The following ARSG variants were observed in gnomAD, a reference collection of about 807,000 sequenced individuals.
ARSG encodes arylsulfatase G.
ARSG carries 37 observed loss-of-function variants against 50.5 expected under a neutral mutation model. That is an observed-to-expected ratio of 0.73 (90% CI 0.56 to 0.96). The LOEUF (loss-of-function observed/expected upper bound fraction) is 0.96, where lower values mean the gene tolerates loss of function less well. Among genes scored for constraint, ARSG ranks in the 50% least tolerant of loss-of-function variants. The pLI, the probability that ARSG is intolerant of heterozygous loss-of-function variation, is 0.00. For missense variants in ARSG, 629 were observed against 675.3 expected (o/e 0.93, Z 0.76); for synonymous variants, 225 against 254.6 (o/e 0.88, Z 1.11).
At chr17:68,384,462 C>CTATTA (rs2080600429) in intron 8 of ARSG, among the ~76,000 whole-genome samples, 1 of 152,116 alleles carries the variant, frequency 6.6e-6, no homozygotes, top group Non-Finnish European at 1.5e-5. Context: ...GAGGTTGGAA[C>CTATTA]TATTACTGAC....
chr17:68,416,259 CCTT>C (rs2082358160), intron 11 of ARSG, among the ~76,000 whole-genome samples: 1 of 151,900 alleles, frequency 6.6e-6, no homozygotes, highest in Non-Finnish European at 1.5e-5. Flanking sequence ...TTGTTTGTAT[CCTT>C]CTTTCATATA....
the ARSG span, chr17:68,436,614 T>C: frequency 1.4e-6 from 1 of 713,126 alleles, no homozygotes; most frequent in Non-Finnish European, 2.3e-6. Context: ...AGACAACTGC[T>C]TTCCGCTGAT....
intron 9 of ARSG, among the ~76,000 whole-genome samples, chr17:68,387,986 A>G (rs1313111491): frequency 6.6e-6 from 1 of 152,192 alleles, no homozygotes; most frequent in Non-Finnish European, 1.5e-5. Context: ...ATGTCATAAG[A>G]TGAAAGAAGG....
At position 68,309,226 on chromosome 17, in the gene ARSG, G is replaced by A. The variant is rs192116857; in HGVS notation, c.218+1515G>A. 6.3e-3 allele frequency among the ~76,000 whole-genome samples: 957 copies of A among 152,342 alleles called. 5 individuals carry two copies. Among genetic ancestry groups the A allele is most frequent in the Middle Eastern group, 0.02 (6 of 294 alleles). On this transcript the variant is annotated intron_variant, in intron 2 of 11. Coordinates refer to ENST00000621439, the MANE Select transcript of ARSG (RefSeq NM_001267727.2). ...CGAGTGCGGGGCCCGCCAAGCCCACGCCCACCCGGAACTCCAGCTGGCCCA... is the reference window on the plus strand; with the variant it reads ...CGAGTGCGGGGCCCGCCAAGCCCACACCCACCCGGAACTCCAGCTGGCCCA...
At chr17:68,355,177 C>T (rs1454428051) in intron 5 of ARSG, among the ~76,000 whole-genome samples, 1 of 152,102 alleles carries the variant, frequency 6.6e-6, no homozygotes, top group Non-Finnish European at 1.5e-5. Context: ...TTGTTATCTC[C>T]CTTAGACCAC....
intron 11 of ARSG, among the ~76,000 whole-genome samples, chr17:68,402,967 C>T (rs528478256): frequency 1.3e-5 from 2 of 152,284 alleles, no homozygotes; most frequent in East Asian, 1.9e-4. Context: ...AAAGGAAAAC[C>T]TGTGACCTAA....
intron 8 of ARSG, among the ~76,000 whole-genome samples, chr17:68,372,877 ATTTTTTT>A (rs55668215): frequency 2.1e-5 from 2 of 93,162 alleles, no homozygotes; most frequent in Admixed American, 1.3e-4. Flanking sequence ...GGAAATGCTG[ATTTTTTT>A]TTTTTTTTTT....
At position 68,352,177 on chromosome 17, in the gene ARSG, GAGAGAGAC is replaced by G. The variant is rs1475752691; in HGVS notation, c.566+497_566+504del. Among the ~76,000 whole-genome samples the G allele has an allele frequency of 2.7e-5, 4 of 150,580 alleles. No individual in the cohort carries two copies. The East Asian group carries it at 5.9e-4, about 22-fold the overall frequency. The stretch of plus-strand genomic sequence containing the variant: ...AGAGAGAGAGACAGAGAGAGAGAGA[GAGAGAGAC>G]AGAGACAGAGAGAGAGAGAACAGGA... On this transcript the variant is annotated intron_variant, in intron 5 of 11. Coordinates refer to ENST00000621439, the MANE Select transcript of ARSG (RefSeq NM_001267727.2).
chr17:68,397,563 A>T (rs1251536994), intron 10 of ARSG, among the ~76,000 whole-genome samples: 1 of 152,168 alleles, frequency 6.6e-6, no homozygotes, highest in Non-Finnish European at 1.5e-5. Flanking sequence ...AGGAAATAAG[A>T]GTAAATTGTC....
At chr17:68,383,096 TAAGAC>T (rs2080515202) in intron 8 of ARSG, among the ~76,000 whole-genome samples, 1 of 152,210 alleles carries the variant, frequency 6.6e-6, no homozygotes, top group African/African-American at 2.4e-5. Context: ...TTTGCTGAAA[TAAGAC>T]AAGCACATTG....
At chr17:68,428,576 T>G in the ARSG span, 1 of 406,052 alleles carries the variant, frequency 2.5e-6, no homozygotes, top group African/African-American at 2.0e-5. Context: ...CAGGGCTGTG[T>G]TAGGAGCATA....
intron 2 of ARSG, 25 bp downstream of exon 2, chr17:68,307,736 C>G (rs782367778): frequency 6.9e-6 from 9 of 1,300,040 alleles, no homozygotes; most frequent in East Asian, 2.3e-5. Context: ...GCCAGGCCAG[C>G]CTTTCTTTGG....
downstream of ARSG, chr17:68,421,334 A>G (rs2082755596): frequency 6.2e-6 from 1 of 162,032 alleles, no homozygotes; most frequent in African/African-American, 2.4e-5. Context: ...CAAGTAATAA[A>G]TGATTTATTC....
intron 1 of ARSG, chr17:68,269,249 C>T (rs539141129): frequency 2.3e-5 from 35 of 1,507,572 alleles, no homozygotes; most frequent in South Asian, 9.7e-5. Context: ...CCATCTTACA[C>T]GGTCTCACCA....
intron 11 of ARSG, among the ~76,000 whole-genome samples, chr17:68,416,681 T>C (rs1430863259): frequency 6.6e-6 from 1 of 152,210 alleles, no homozygotes; most frequent in African/African-American, 2.4e-5. Flanking sequence ...CTTTTTCCTT[T>C]GTCTTTGTTG....
rs563555442 is a variant in ARSG at position 68,354,803 on chromosome 17, G to A, written c.567-1864G>A. Among the ~76,000 whole-genome samples, 3 of 152,154 alleles carry A rather than the reference G, an allele frequency of 2.0e-5. No individual in the cohort carries two copies. In the East Asian group the frequency reaches 5.8e-4, roughly 29 times the overall value. ...GGGACTAAGATGGGAGTTTGAGGCT[G>A]CAATGAGCTGAGATTGTGCCACTGC... On this transcript the variant is annotated intron_variant, in intron 5 of 11. Coordinates refer to ENST00000621439, the MANE Select transcript of ARSG (RefSeq NM_001267727.2).
Position 68,343,965 on chromosome 17 carries a change from G to C in ARSG, c.406+174G>C, listed in dbSNP as rs555788532. On this transcript the variant is annotated intron_variant, in intron 3 of 11. Coordinates refer to ENST00000621439, the MANE Select transcript of ARSG (RefSeq NM_001267727.2). Reference sequence around the variant, plus strand: ...CCTAACAGTGAATTAAAACATACATGGAGCTATTTTCCTCCCATTATAGCA... The same window carrying C: ...CCTAACAGTGAATTAAAACATACATCGAGCTATTTTCCTCCCATTATAGCA... Among the ~76,000 whole-genome samples, 9 of 152,280 alleles carry C rather than the reference G, an allele frequency of 5.9e-5. No individual in the cohort carries two copies. In the South Asian group the frequency reaches 1.9e-3, roughly 32 times the overall value.
chr17:68,322,424 C>T (rs2077324723), intron 2 of ARSG, among the ~76,000 whole-genome samples: 2 of 152,088 alleles, frequency 1.3e-5, no homozygotes, highest in African/African-American at 2.4e-5. Flanking sequence ...GTCAAGAGAT[C>T]GAGACCATCC....
At chr17:68,425,157 G>A (rs1221441242), downstream of ARSG, among the ~76,000 whole-genome samples, 5 of 152,186 alleles carry the variant, frequency 3.3e-5, no homozygotes, top group Admixed American at 6.5e-5. Context: ...AAAGGTGCTC[G>A]GGCAAGCTCC....
Sources: gnomAD v4.1 joint callset for allele counts (sites outside exome capture counted in the v4.1 genomes callset) on GRCh38, gnomAD v4.1.1 for gene constraint, MANE v1.5 for transcripts, NCBI Gene and HGNC (gene_info 2026-07-23, HGNC 2026-07-21) for gene names.